The following DENND10 variants were observed in gnomAD, a reference collection of about 807,000 sequenced individuals.
DENND10 encodes DENN domain-containing protein 10.
A neutral mutation model predicts 43.6 loss-of-function variants in DENND10; 24 were observed. That is an observed-to-expected ratio of 0.55 (90% confidence interval 0.40 to 0.77). DENND10 has a LOEUF of 0.77. Among genes scored for constraint, DENND10 ranks in the 30% least tolerant of loss-of-function variants. DENND10 has a pLI of 0.00. For missense variants in DENND10, 303 were observed against 429.9 expected (o/e 0.70, Z 2.61); for synonymous variants, 125 against 157.6 (o/e 0.79, Z 1.55).
At chr10:119,115,802 T>C (rs1388354732) in intron 3 of DENND10, among the ~76,000 whole-genome samples, 89 of 144,674 alleles carry the variant, frequency 6.2e-4, no homozygotes, top group Middle Eastern at 8.1e-3. Context: ...CTCGCTCTGT[T>C]GCCCAGGCTG....
intron 1 of DENND10, 52 bp from the exon 2 acceptor site, chr10:119,107,916 C>T: frequency 6.6e-7 from 1 of 1,526,068 alleles, no homozygotes; most frequent in Middle Eastern, 1.7e-4. Flanking sequence ...CCAATCAATT[C>T]ACTTCCTTGC....
intron 1 of DENND10, 38 bp downstream of exon 1, chr10:119,104,235 T>C: frequency 6.7e-7 from 1 of 1,493,290 alleles, no homozygotes; most frequent in Non-Finnish European, 8.9e-7. Flanking sequence ...GCCCGCACCC[T>C]GGTTCTGCCT....
At chr10:119,121,267 G>T (rs1006672137) in intron 5 of DENND10, among the ~76,000 whole-genome samples, 1 of 150,544 alleles carries the variant, frequency 6.6e-6, no homozygotes, top group East Asian at 2.0e-4. Context: ...AATCTAACTT[G>T]TTATTAGGTC....
At chr10:119,123,641 C>A in intron 6 of DENND10, 72 bp downstream of exon 6, 2 of 1,162,554 alleles carry the variant, frequency 1.7e-6, no homozygotes, top group Admixed American at 2.1e-5. Context: ...CGGATTTTCA[C>A]TCTTGTTGCC....
intron 4 of DENND10, among the ~76,000 whole-genome samples, chr10:119,118,671 A>T (rs760179335): frequency 6.6e-6 from 1 of 151,054 alleles, no homozygotes; most frequent in South Asian, 2.1e-4. Context: ...GAGTTAATAG[A>T]CTTTTTTTTT....
At chr10:119,136,414 T>G in intron 8 of DENND10, 57 bp from the exon 9 acceptor site, 1 of 1,555,324 alleles carries the variant, frequency 6.4e-7, no homozygotes, top group East Asian at 2.2e-5. Context: ...TTCTAGAGAC[T>G]AAATATTCAA....
intron 2 of DENND10, among the ~76,000 whole-genome samples, chr10:119,110,556 C>G (rs896719936): frequency 6.6e-6 from 1 of 151,998 alleles, no homozygotes; most frequent in Non-Finnish European, 1.5e-5. Context: ...CTCCTGGGTT[C>G]AAGCAATTCC....
Position 119,129,566 on chromosome 10 carries a change from A to G in DENND10, c.746A>G (p.Tyr249Cys). 6.2e-7 allele frequency: 1 copy of G among 1,614,014 alleles called. No homozygotes were observed. Among genetic ancestry groups the G allele is most frequent in the Non-Finnish European group, 8.5e-7 (1 of 1,179,852 alleles). ...DLEVSNRPDL[Y>C]DVFVNLAESE... ...GAGGTGAGCAACAGACCAGACCTCTATGATGTGTTTGTGAATCTGGCAGAG... is the reference window on the plus strand; with the variant it reads ...GAGGTGAGCAACAGACCAGACCTCTGTGATGTGTTTGTGAATCTGGCAGAG... The change falls in exon 7 of 9, where the codon TAT becomes TGT. Residue 249 changes from tyrosine to cysteine, a missense_variant. Physicochemically the swap from Tyr to Cys is radical, Grantham distance 194 (BLOSUM62 -2). Transcript: ENST00000361432.
intron 8 of DENND10, among the ~76,000 whole-genome samples, chr10:119,135,501 C>T (rs1182539136): frequency 1.3e-5 from 2 of 152,110 alleles, no homozygotes; most frequent in African/African-American, 4.8e-5. Context: ...CTGATACATG[C>T]TATAGCATGG....
At chr10:119,133,257 C>G (rs943034296) in intron 8 of DENND10, 1 of 153,466 alleles carries the variant, frequency 6.5e-6, no homozygotes, top group Non-Finnish European at 1.4e-5. Flanking sequence ...CTCCTTGCTC[C>G]TCTCCTGAAG....
chr10:119,128,452 A>G (rs1308944307), intron 6 of DENND10, among the ~76,000 whole-genome samples: 1 of 152,028 alleles, frequency 6.6e-6, no homozygotes, highest in Non-Finnish European at 1.5e-5. Flanking sequence ...TACTCAAAAT[A>G]CAAAAATTAG....
chr10:119,122,777 G>A (rs1426240323), intron 5 of DENND10, among the ~76,000 whole-genome samples: 1 of 152,018 alleles, frequency 6.6e-6, no homozygotes, highest in African/African-American at 2.4e-5. Context: ...AATATAAATG[G>A]GAGACTTCCA....
rs756522304 is a variant in DENND10, at chr10:119,108,183, A to G, written c.252+19A>G. ...GAAAAAGGTATGATTGCGTGAAGGT[A>G]AAAAAAAAACCCCAAAATAGGCTGG... On this transcript the variant is annotated intron_variant, in intron 2 of 8. Coordinates refer to ENST00000361432, the MANE Select transcript of DENND10 (RefSeq NM_207009.4). The G allele has an allele frequency of 8.4e-6, 10 of 1,192,722 alleles. No individual in the cohort carries two copies. The highest frequency in any genetic ancestry group is 1.2e-5 in the Non-Finnish European group (10 of 852,530). 73.9% of individuals were successfully genotyped at this position (1,192,722 alleles called of 1,614,324 possible). A position where few individuals can be genotyped will look rare whatever the true frequency, so the allele number is the denominator to read the frequency against.
intron 5 of DENND10, 49 bp downstream of exon 5, chr10:119,120,501 C>T (rs780706956): frequency 2.9e-5 from 34 of 1,153,972 alleles, no homozygotes; most frequent in Middle Eastern, 1.9e-4. Context: ...GCAGACAGTT[C>T]GCAGCACTAG....
chr10:119,132,435 TG>T lies in DENND10; in HGVS notation c.803-78del. On this transcript the variant is annotated intron_variant, in intron 7 of 8. Transcript: ENST00000361432. This position sits in a 1 kb window ranked among gnomAD's most constrained non-coding sequence, Gnocchi z 4.2. ...CTGCTTTTTGAAAATTCCCTCAGTG[TG>T]GTCTTCCAAGTTTTCAGATAGATGG... The T allele has an allele frequency of 1.7e-6, 2 of 1,149,616 alleles. No individual in the cohort carries two copies. Among genetic ancestry groups the T allele is most frequent in the Non-Finnish European group, 2.6e-6 (2 of 759,494 alleles). 71.2% of individuals were successfully genotyped at this position (1,149,616 alleles called of 1,614,324 possible).
chr10:119,128,268 G>A (rs11498610), intron 6 of DENND10, among the ~76,000 whole-genome samples: 94,363 of 151,422 alleles, frequency 0.62, 29,742 homozygotes, highest in Middle Eastern at 0.7. Flanking sequence ...AGCCAAGATC[G>A]TGCCACTGCC....
At chr10:119,112,118 A>C (rs1189140125) in intron 3 of DENND10, among the ~76,000 whole-genome samples, 190 bp downstream of exon 3, 1 of 152,170 alleles carries the variant, frequency 6.6e-6, no homozygotes, top group Admixed American at 6.6e-5. Flanking sequence ...TATTTGGGTA[A>C]ATGATCTAGG....
In DENND10 at chr10:119,108,158, G is replaced by C; in HGVS notation, c.246G>C (p.Leu82Phe). The change falls in exon 2 of 9, where the codon TTG (leucine) becomes TTC (phenylalanine). Residue 82 changes from leucine to phenylalanine, a missense_variant. Leu to Phe is a conservative substitution (Grantham distance 22). Coordinates refer to ENST00000361432, the MANE Select transcript of DENND10 (RefSeq NM_207009.4). ...TTGAAGTTCCAGATTCTTCCATTTT[G>C]AAAAAGGTATGATTGCGTGAAGGTA... is the stretch of plus-strand genomic sequence containing the variant. Reference protein sequence around the residue: ...TTIEVPDSSILKKVTHFSIVL... With the variant: ...TTIEVPDSSIFKKVTHFSIVL... 1 of 1,606,446 alleles carries C rather than the reference G, an allele frequency of 6.2e-7. No homozygotes were observed. The highest frequency in any genetic ancestry group is 8.5e-7 in the Non-Finnish European group (1 of 1,174,934).
intron 1 of DENND10, among the ~76,000 whole-genome samples, chr10:119,105,819 T>C (rs1483342119): frequency 6.6e-6 from 1 of 151,870 alleles, no homozygotes; most frequent in Non-Finnish European, 1.5e-5. Context: ...GAGGCAGAGG[T>C]TGCAGTGAAC....
Sources: gnomAD v4.1 joint callset for allele counts (sites outside exome capture counted in the v4.1 genomes callset) on GRCh38, gnomAD v4.1.1 for gene constraint, Gnocchi (gnomAD v3.1) non-coding constraint, MANE v1.5 for transcripts, NCBI Gene and HGNC (gene_info 2026-07-23, HGNC 2026-07-21) for gene names.